PACRG: variants seen among roughly 807,000 people sequenced by gnomAD.
PACRG encodes the protein parkin coregulated.
A neutral mutation model predicts 29.7 loss-of-function variants in PACRG; 29 were observed. The ratio of observed to expected loss-of-function variants is 0.98; its 90% CI spans 0.73 to 1.33. The LOEUF is 1.33. Among genes scored for constraint, PACRG ranks in the 40% most tolerant of loss-of-function variants. PACRG has a pLI of 0.00. For missense variants in PACRG, 279 were observed against 316.2 expected (o/e 0.88, Z 0.89); for synonymous variants, 116 against 118.7 (o/e 0.98, Z 0.15).
Position 163,173,600 on chromosome 6 carries a change from A to G in PACRG, c.613+84192A>G, listed in dbSNP as rs376280804. ...GCTCGTCCTCACTGATGAGAGAATC[A>G]CGCTCTCCGCTCTCCCCCGCAAGTG... On this transcript the variant is annotated intron_variant, in intron 4 of 4. Transcript: ENST00000366888. 7.6e-4 allele frequency among the ~76,000 whole-genome samples: 116 copies of G among 152,288 alleles called. 1 individual carries two copies. The highest frequency in any genetic ancestry group is 2.6e-3 in the African/African-American group (110 of 41,574).
intron 4 of PACRG, among the ~76,000 whole-genome samples, chr6:163,194,932 G>A (rs999156801): frequency 6.6e-6 from 1 of 150,932 alleles, no homozygotes; most frequent in Non-Finnish European, 1.5e-5. Flanking sequence ...AGTGCACTTT[G>A]CAGGCATCAG....
intron 1 of PACRG, among the ~76,000 whole-genome samples, chr6:162,765,080 A>T (rs992415789): frequency 2.6e-5 from 4 of 151,996 alleles, no homozygotes; most frequent in African/African-American, 4.8e-5. Flanking sequence ...TCATATATAC[A>T]TACCTATTTA....
intron 4 of PACRG, among the ~76,000 whole-genome samples, chr6:163,289,105 C>A (rs1020662023): frequency 6.6e-5 from 10 of 152,188 alleles, no homozygotes; most frequent in Non-Finnish European, 1.3e-4. Flanking sequence ...TCGCTGGAAA[C>A]CACACCAACA....
chr6:163,058,485 A>C (rs777265212), intron 2 of PACRG, among the ~76,000 whole-genome samples: 11 of 152,154 alleles, frequency 7.2e-5, no homozygotes, highest in Non-Finnish European at 1.6e-4. Context: ...AAAAAGAACT[A>C]ATGAAGGCTG....
intron 3 of PACRG, among the ~76,000 whole-genome samples, chr6:163,078,740 A>G (rs1812791200): frequency 6.6e-6 from 1 of 152,204 alleles, no homozygotes. Flanking sequence ...AGCTGTAGTC[A>G]GGACTAGCAC....
At chr6:162,980,254 T>C (rs1048139880) in intron 2 of PACRG, among the ~76,000 whole-genome samples, 1 of 152,036 alleles carries the variant, frequency 6.6e-6, no homozygotes, top group African/African-American at 2.4e-5. Context: ...TGCATACAGA[T>C]CTCATGTCAT....
In PACRG at chr6:163,248,906, C is replaced by T. The variant is rs547024370; in HGVS notation, c.614-65921C>T. ...GTGGCAGGCGTCTGTTGGGACACTA[C>T]TCGGGAGGCTGAGGCAGGAGAATGG... On this transcript the variant is annotated intron_variant, in intron 4 of 4. Coordinates refer to ENST00000366888, the MANE Select transcript of PACRG (RefSeq NM_001080379.2). Among the ~76,000 whole-genome samples, 4 of 151,548 alleles carry T rather than the reference C, an allele frequency of 2.6e-5. No homozygotes were observed. The East Asian group carries it at 7.8e-4, about 29-fold the overall frequency.
At chr6:162,943,326 G>T (rs1181664444) in intron 2 of PACRG, among the ~76,000 whole-genome samples, 1 of 152,158 alleles carries the variant, frequency 6.6e-6, no homozygotes, top group Admixed American at 6.5e-5. Context: ...ATCGCTGCTG[G>T]CTGCTGTTAC....
intron 4 of PACRG, among the ~76,000 whole-genome samples, chr6:163,157,547 T>C (rs1009512380): frequency 3.9e-5 from 6 of 152,140 alleles, no homozygotes; most frequent in Non-Finnish European, 5.9e-5. Context: ...GAATTACAAA[T>C]GTTAGTTGGA....
intron 1 of PACRG, among the ~76,000 whole-genome samples, chr6:162,748,654 A>C (rs1781280666): frequency 6.6e-6 from 1 of 152,140 alleles, no homozygotes; most frequent in South Asian, 2.1e-4. Context: ...TTAACAGGTA[A>C]AGTATAGAAA....
At chr6:162,779,102 G>T (rs1201919973) in intron 1 of PACRG, among the ~76,000 whole-genome samples, 1 of 152,076 alleles carries the variant, frequency 6.6e-6, no homozygotes, top group African/African-American at 2.4e-5. Context: ...TCATCATTCG[G>T]CTCCGACTTA....
rs144229355 is a variant in PACRG at position 163,116,936 on chromosome 6, C to T, written c.613+27528C>T. Among the ~76,000 whole-genome samples the T allele has an allele frequency of 4.1e-3, 620 of 152,188 alleles. 6 individuals carry two copies. Among genetic ancestry groups the T allele is most frequent in the African/African-American group, 0.014 (575 of 41,530 alleles). On this transcript the variant is annotated intron_variant, in intron 4 of 4. Coordinates refer to ENST00000366888, the MANE Select transcript of PACRG (RefSeq NM_001080379.2). ...CGGAGGTGCTGCAGGGATCCCCAGA[C>T]GAGCACTCACAGAAGCAAGTTGGAA... is the stretch of plus-strand genomic sequence containing the variant.
At chr6:162,960,420 C>G (rs116314860) in intron 2 of PACRG, among the ~76,000 whole-genome samples, 2,022 of 152,334 alleles carry the variant, frequency 0.013, 44 homozygotes, top group African/African-American at 0.047. Context: ...GAATACTACA[C>G]AGCCTTAAAA....
intron 2 of PACRG, among the ~76,000 whole-genome samples, chr6:162,921,237 G>T (rs1797041148): frequency 6.6e-6 from 1 of 152,162 alleles, no homozygotes; most frequent in South Asian, 2.1e-4. Flanking sequence ...GGAAGAGGCG[G>T]CCGGATCCTG....
At chr6:162,897,295 G>A (rs2128051314) in intron 2 of PACRG, among the ~76,000 whole-genome samples, 1 of 152,296 alleles carries the variant, frequency 6.6e-6, no homozygotes, top group Non-Finnish European at 1.5e-5. Context: ...GGAAAGACTG[G>A]ATTATCTTTC....
intron 2 of PACRG, among the ~76,000 whole-genome samples, chr6:162,983,978 A>G (rs1448577718): frequency 1.3e-5 from 2 of 151,808 alleles, no homozygotes. Flanking sequence ...ATAATCCCAA[A>G]TTTATTGGAG....
chr6:163,110,632 A>G (rs536559372), intron 4 of PACRG, among the ~76,000 whole-genome samples: 2 of 152,308 alleles, frequency 1.3e-5, no homozygotes, highest in African/African-American at 4.8e-5. Context: ...TTGTAGAGCC[A>G]AAATACCATG....
At chr6:162,743,664 G>A (rs1381678885) in intron 1 of PACRG, among the ~76,000 whole-genome samples, 3 of 151,582 alleles carry the variant, frequency 2.0e-5, no homozygotes, top group African/African-American at 7.3e-5. Context: ...TTTTTACTGA[G>A]TTTTTGAATT....
At chr6:162,848,800 C>T (rs1584533921) in intron 2 of PACRG, among the ~76,000 whole-genome samples, 1 of 152,298 alleles carries the variant, frequency 6.6e-6, no homozygotes, top group African/African-American at 2.4e-5. Flanking sequence ...AGGCACTGGC[C>T]TAGATGACAG....
Sources: allele counts gnomAD v4.1 joint callset (sites outside exome capture counted in the v4.1 genomes callset), GRCh38; gene constraint gnomAD v4.1.1; transcripts MANE v1.5; gene names NCBI Gene and HGNC (gene_info 2026-07-23, HGNC 2026-07-21).